Variants in BCL2L14 observed in about 807,000 individuals in gnomAD.
BCL2L14 encodes BCL2 like 14.
In BCL2L14, 27 loss-of-function variants were observed where a neutral mutation model predicts 35.3. The ratio of observed to expected loss-of-function variants is 0.76; its 90% CI spans 0.56 to 1.05. BCL2L14 has a LOEUF of 1.05. Ranked by LOEUF, BCL2L14 falls within the 50% of genes least tolerant of loss-of-function variation. The pLI is 0.00. For synonymous variants in BCL2L14, 139 were observed against 145.9 expected, an observed-to-expected ratio of 0.95 and a Z score of 0.34; for missense variants, 377 against 382.6, an observed-to-expected ratio of 0.99 and a Z score of 0.12.
intron 1 of BCL2L14, among the ~76,000 whole-genome samples, chr12:12,050,306 G>A (rs1432965117): frequency 4.6e-5 from 7 of 151,868 alleles, no homozygotes; most frequent in Non-Finnish European, 5.9e-5. Context: ...GGTGGCGGGC[G>A]CATGTAGTCC....
Position 12,087,271 on chromosome 12 carries a change from GCCA to G in BCL2L14, c.500_502del (p.Pro167del). The G allele has an allele frequency of 6.2e-7, 1 of 1,614,132 alleles. No homozygotes were observed. On this transcript the variant is annotated inframe_deletion, in exon 3 of 6. Coordinates refer to ENST00000308721, the MANE Select transcript of BCL2L14 (RefSeq NM_138723.2). ...GAGTAGCTGAAATTGTTTACTCCTG[GCCA>G]CCACCACAAGCGACCCAGGCAGGAG... is the stretch of plus-strand genomic sequence containing the variant.
At chr12:12,066,081 G>A (rs557818496), upstream of BCL2L14, among the ~76,000 whole-genome samples, 6 of 152,218 alleles carry the variant, frequency 3.9e-5, no homozygotes, top group East Asian at 1.9e-4. Flanking sequence ...GTGAGCCACC[G>A]CACCTGGCCG....
In BCL2L14 at chr12:12,079,743, G is replaced by C. The variant is rs757812517; in HGVS notation, c.433+5G>C. On this transcript the variant is annotated splice_donor_5th_base_variant and intron_variant, in intron 2 of 5. Transcript: ENST00000308721. ...AGCAGTGCTTGGAGCATGAAGGTAG[G>C]CATCTGGGATTTCTTTCTCTCCCGC... The C allele has an allele frequency of 6.2e-7, 1 of 1,606,752 alleles. No homozygotes were observed. Among genetic ancestry groups the C allele is most frequent in the Non-Finnish European group, 8.5e-7 (1 of 1,176,008 alleles).
At chr12:12,056,587 A>G (rs2136709045) in intron 2 of BCL2L14, among the ~76,000 whole-genome samples, 1 of 152,356 alleles carries the variant, frequency 6.6e-6, no homozygotes, top group South Asian at 2.1e-4. Context: ...TAATCCCAGC[A>G]CTTTGGGAGG....
chr12:12,080,789 G>C (rs558509028), intron 2 of BCL2L14, among the ~76,000 whole-genome samples: 1 of 152,312 alleles, frequency 6.6e-6, no homozygotes, highest in African/African-American at 2.4e-5. Context: ...CAGAGAGCAA[G>C]AGTAAAAGGA....
chr12:12,075,835 G>C (rs2448065), intron 1 of BCL2L14, among the ~76,000 whole-genome samples: 149,871 of 152,110 alleles, frequency 0.99, 73,862 homozygotes, highest in East Asian at 1. Flanking sequence ...GAACTTACCA[G>C]ATACTGAATT....
upstream of BCL2L14, among the ~76,000 whole-genome samples, chr12:12,069,110 G>A (rs765864720): frequency 4.6e-5 from 7 of 152,158 alleles, no homozygotes; most frequent in East Asian, 1.9e-4. Context: ...GAGGACGACC[G>A]GAGGTTGCTT....
chr12:12,076,709 C>T (rs968346334), intron 1 of BCL2L14, among the ~76,000 whole-genome samples: 1 of 152,128 alleles, frequency 6.6e-6, no homozygotes. Flanking sequence ...CCCTTGCTTT[C>T]CTGGGGCCTG....
chr12:12,091,361 C>A (rs1313204296), intron 4 of BCL2L14, among the ~76,000 whole-genome samples: 2 of 152,170 alleles, frequency 1.3e-5, no homozygotes, highest in South Asian at 4.1e-4. Flanking sequence ...GTATGGATTT[C>A]CTGCCATTTG....
intron 2 of BCL2L14, among the ~76,000 whole-genome samples, chr12:12,057,160 C>T (rs1010502489): frequency 1.3e-5 from 2 of 152,148 alleles, no homozygotes; most frequent in African/African-American, 4.8e-5. Context: ...ACAGGCAAAA[C>T]TGGAAAAACT....
intron 1 of BCL2L14, among the ~76,000 whole-genome samples, chr12:12,075,205 C>G (rs141229547): frequency 6.6e-6 from 1 of 151,962 alleles, no homozygotes; most frequent in Non-Finnish European, 1.5e-5. Context: ...TCACTGCAAC[C>G]TTTGCCTCCC....
At chr12:12,073,221 G>A (rs751634291) in intron 1 of BCL2L14, among the ~76,000 whole-genome samples, 19 of 152,156 alleles carry the variant, frequency 1.2e-4, no homozygotes, top group Non-Finnish European at 2.4e-4. Flanking sequence ...CTTTGTCTCC[G>A]TTTGTTCTCT....
At chr12:12,089,147 G>A (rs536829401) in intron 3 of BCL2L14, among the ~76,000 whole-genome samples, 4 of 152,062 alleles carry the variant, frequency 2.6e-5, no homozygotes, top group Admixed American at 1.3e-4. Context: ...CAGGTGGATC[G>A]CCTGAGGTCA....
At chr12:12,081,941 C>T (rs964821711) in intron 2 of BCL2L14, among the ~76,000 whole-genome samples, 2 of 152,164 alleles carry the variant, frequency 1.3e-5, no homozygotes, top group Non-Finnish European at 2.9e-5. Context: ...CAAGAGGTGG[C>T]AGTAATGTCT....
At chr12:12,065,186 T>C (rs967587867) in intron 2 of BCL2L14, among the ~76,000 whole-genome samples, 1 of 152,176 alleles carries the variant, frequency 6.6e-6, no homozygotes, top group Non-Finnish European at 1.5e-5. Context: ...AAAGGAGTGG[T>C]CAGAAATTGG....
chr12:12,070,126 C>T (rs1422464187), upstream of BCL2L14, among the ~76,000 whole-genome samples: 1 of 152,164 alleles, frequency 6.6e-6, no homozygotes, highest in East Asian at 1.9e-4. Flanking sequence ...AAAGTTATGA[C>T]ATTTGGCCTT....
Position 12,080,534 on chromosome 12 carries a change from C to T in BCL2L14, c.433+796C>T, listed in dbSNP as rs185660094. 1.2e-3 allele frequency among the ~76,000 whole-genome samples: 186 copies of T among 150,678 alleles called. 1 individual carries two copies. The highest frequency in any genetic ancestry group is 1.3e-3 in the Non-Finnish European group (90 of 67,690). On this transcript the variant is annotated intron_variant, in intron 2 of 5. Coordinates refer to ENST00000308721, the MANE Select transcript of BCL2L14 (RefSeq NM_138723.2). Reference sequence around the variant, plus strand: ...ACTCGGGAGGCTGGGGCAAGAGAATCGCTTGAACCTGGGAGGCGGAGGTTG... The same window carrying T: ...ACTCGGGAGGCTGGGGCAAGAGAATTGCTTGAACCTGGGAGGCGGAGGTTG...
rs1948981233 is a variant in BCL2L14 at position 12,083,836 on chromosome 12, T to G, written c.434-3377T>G. 2.6e-5 allele frequency among the ~76,000 whole-genome samples: 4 copies of G among 152,136 alleles called. No homozygotes were observed. The South Asian group carries it at 6.2e-4, about 24-fold the overall frequency. On this transcript the variant is annotated intron_variant, in intron 2 of 5. Transcript: ENST00000308721. ...CATGGTGCGCGCCTGCAGTCTCAGCTACTCGAGAGGCTGAAGGAGGAGAAT... is the reference window on the plus strand; with the variant it reads ...CATGGTGCGCGCCTGCAGTCTCAGCGACTCGAGAGGCTGAAGGAGGAGAAT...
chr12:12,066,143 C>T (rs1948591855), upstream of BCL2L14, among the ~76,000 whole-genome samples: 1 of 152,152 alleles, frequency 6.6e-6, no homozygotes, highest in African/African-American at 2.4e-5. Flanking sequence ...TCAAAATGAT[C>T]TTAAGGTTAA....
Sources: gnomAD v4.1 joint callset for allele counts (sites outside exome capture counted in the v4.1 genomes callset) on GRCh38, gnomAD v4.1.1 for gene constraint, MANE v1.5 for transcripts, NCBI Gene and HGNC (gene_info 2026-07-23, HGNC 2026-07-21) for gene names.